RRAGD: variants seen among roughly 807,000 people sequenced by gnomAD.
RRAGD encodes Ras related GTP binding D.
In RRAGD, 12 loss-of-function variants were observed where a neutral mutation model predicts 35.5. That is an observed-to-expected ratio of 0.34 (90% CI 0.22 to 0.55). RRAGD has a LOEUF of 0.55. Ranked by LOEUF, RRAGD falls within the 20% of genes least tolerant of loss-of-function variation. The pLI is 0.91. For missense variants in RRAGD, 324 were observed against 490.1 expected, an observed-to-expected ratio of 0.66 and a Z score of 3.20; for synonymous variants, 155 against 178.9, an observed-to-expected ratio of 0.87 and a Z score of 1.07.
At position 89,411,947 on chromosome 6, in the gene RRAGD, G is replaced by C. The variant is rs866803649; in HGVS notation, c.47C>G (p.Ala16Gly). 1 of 1,538,750 alleles carries C rather than the reference G, an allele frequency of 6.5e-7. No individual in the cohort carries two copies. Among genetic ancestry groups the C allele is most frequent in the Non-Finnish European group, 8.7e-7 (1 of 1,145,982 alleles). Residue 16 changes from alanine (A) to glycine (G), a missense_variant, in exon 1 of 7, where the codon GCG becomes GGG. Ala to Gly is a moderately conservative substitution (Grantham distance 60). Coordinates refer to ENST00000369415, the MANE Select transcript of RRAGD (RefSeq NM_021244.5). The surrounding 1 kb of genome is among the most constrained non-coding windows in gnomAD (Gnocchi z 5.6). ...CTCATCCTCCTCCTCCTCCTCCTCC[G>C]CGTCGTCCTCGTCCTGCGGCTGCGG... ...GKPQPQDEDD[A>G]EEEEEEDELV...
Position 89,367,608 on chromosome 6 carries a change from T to A in RRAGD, c.*448A>T, listed in dbSNP as rs1293633160. 6.5e-6 allele frequency: 1 copy of A among 153,114 alleles called. No individual in the cohort carries two copies. The highest frequency in any genetic ancestry group is 1.5e-5 in the Non-Finnish European group (1 of 68,674). The allele number at this position is 153,114 out of a possible 1,614,324, so 9.5% of individuals were successfully genotyped here. A position where few individuals can be genotyped will look rare whatever the true frequency, so the allele number is the denominator to read the frequency against. ...AGATTTCCAAATTTACAAAAAGTCA[T>A]TACCAATGCATCACTTTTTGATTAA... On this transcript the variant is annotated 3_prime_UTR_variant, in exon 7 of 7. Transcript: ENST00000369415.
chr6:89,380,087 A>C, intron 3 of RRAGD, 81 bp downstream of exon 3: 1 of 1,271,566 alleles, frequency 7.9e-7, no homozygotes. Flanking sequence ...TGCCCATGCC[A>C]AGCCAATCAT....
At chr6:89,375,252 G>A (rs1283875944) in intron 5 of RRAGD, among the ~76,000 whole-genome samples, 1 of 152,040 alleles carries the variant, frequency 6.6e-6, no homozygotes, top group African/African-American at 2.4e-5. Flanking sequence ...AGACTTTTAT[G>A]TATTTTCTGC....
chr6:89,371,819 G>A (rs1009545164), intron 6 of RRAGD, among the ~76,000 whole-genome samples: 2 of 152,130 alleles, frequency 1.3e-5, no homozygotes, highest in African/African-American at 2.4e-5. Flanking sequence ...ATAGAAGGGG[G>A]AAATTAGTTT....
intron 1 of RRAGD, among the ~76,000 whole-genome samples, chr6:89,397,571 T>C (rs1431098537): frequency 1.3e-5 from 2 of 148,278 alleles, no homozygotes; most frequent in African/African-American, 5.1e-5. Context: ...GCCACTGCAC[T>C]CCAGCCTGGG....
intron 2 of RRAGD, among the ~76,000 whole-genome samples, chr6:89,384,447 G>T (rs1050279994): frequency 1.3e-5 from 2 of 152,100 alleles, no homozygotes; most frequent in African/African-American, 4.8e-5. Context: ...GGGCCTAAGT[G>T]GTCCTCCAGC....
chr6:89,400,967 T>TAG (rs766560919), intron 1 of RRAGD, among the ~76,000 whole-genome samples: 1 of 152,148 alleles, frequency 6.6e-6, no homozygotes, highest in Non-Finnish European at 1.5e-5. Flanking sequence ...ACTGGCCAAG[T>TAG]GTGAGGCAGG....
chr6:89,409,377 C>T (rs527967898), intron 1 of RRAGD, among the ~76,000 whole-genome samples: 92 of 152,302 alleles, frequency 6.0e-4, no homozygotes, highest in Non-Finnish European at 1.0e-3. Context: ...CCACTAAGTG[C>T]AGGCACTAAA....
intron 1 of RRAGD, 138 bp from the exon 2 acceptor site, chr6:89,387,728 C>T: frequency 1.2e-6 from 1 of 822,230 alleles, no homozygotes; most frequent in Non-Finnish European, 1.9e-6. Context: ...TACAGTCCCT[C>T]CACTTAAACC....
At chr6:89,380,083 T>C (rs1769015817) in intron 3 of RRAGD, 85 bp downstream of exon 3, 2 of 1,228,486 alleles carry the variant, frequency 1.6e-6, no homozygotes, top group African/African-American at 1.5e-5. Flanking sequence ...TTACTGCCCA[T>C]GCCAAGCCAA....
rs1768725419 is a variant in RRAGD at position 89,365,546 on chromosome 6, A to C, written c.*2510T>G. 6.6e-6 allele frequency: 1 copy of C among 152,268 alleles called. No homozygotes were observed. The highest frequency in any genetic ancestry group is 1.5e-5 in the Non-Finnish European group (1 of 68,050). The allele number at this position is 152,268 out of a possible 1,614,324, so 9.4% of individuals were successfully genotyped here. On this transcript the variant is annotated 3_prime_UTR_variant, in exon 7 of 7. Transcript: ENST00000369415. Reference sequence around the variant, plus strand: ...GATTTGAAAAACTGAACGCTTAGACATAACTCCTGCATCTTTCTTTAATTA... The same window carrying C: ...GATTTGAAAAACTGAACGCTTAGACCTAACTCCTGCATCTTTCTTTAATTA...
intron 6 of RRAGD, among the ~76,000 whole-genome samples, chr6:89,370,204 A>C (rs577917970): frequency 5.4e-4 from 82 of 152,344 alleles, no homozygotes; most frequent in African/African-American, 1.9e-3. Flanking sequence ...TCTATCTTTA[A>C]AATTCCGTGA....
intron 2 of RRAGD, among the ~76,000 whole-genome samples, chr6:89,381,066 T>C (rs1472294856): frequency 6.6e-6 from 1 of 152,182 alleles, no homozygotes; most frequent in Non-Finnish European, 1.5e-5. Context: ...TACAGGCCAC[T>C]GGGCGGGTGG....
intron 1 of RRAGD, among the ~76,000 whole-genome samples, chr6:89,401,124 GA>G (rs1398016581): frequency 6.6e-6 from 1 of 152,190 alleles, no homozygotes; most frequent in Admixed American, 6.5e-5. Flanking sequence ...AGTCTTAAAG[GA>G]GAGGAGGCAT....
At chr6:89,402,065 G>C (rs1449757180) in intron 1 of RRAGD, among the ~76,000 whole-genome samples, 1 of 26,808 alleles carries the variant, frequency 3.7e-5, no homozygotes, top group African/African-American at 7.3e-4. Flanking sequence ...TTTTTTGGTG[G>C]GGGATGGAGT....
intron 2 of RRAGD, among the ~76,000 whole-genome samples, chr6:89,382,649 G>A (rs1769065935): frequency 6.6e-6 from 1 of 151,928 alleles, no homozygotes; most frequent in African/African-American, 2.4e-5. Context: ...GCCAAGGCGG[G>A]CAGATCACGA....
chr6:89,376,874 T>G (rs1026007669), intron 5 of RRAGD, among the ~76,000 whole-genome samples: 1 of 152,168 alleles, frequency 6.6e-6, no homozygotes, highest in Admixed American at 6.5e-5. Flanking sequence ...TACACTACAG[T>G]TGACCTTAAA....
At chr6:89,381,292 T>G (rs2127888171) in intron 2 of RRAGD, among the ~76,000 whole-genome samples, 1 of 152,344 alleles carries the variant, frequency 6.6e-6, no homozygotes, top group East Asian at 1.9e-4. Context: ...TCTACAAAGC[T>G]TAAGATGTTT....
intron 1 of RRAGD, among the ~76,000 whole-genome samples, chr6:89,409,873 C>T (rs918835202): frequency 1.3e-5 from 2 of 152,228 alleles, no homozygotes; most frequent in Non-Finnish European, 2.9e-5. Flanking sequence ...AGAGACCAGG[C>T]TTAAGCAACG....
Sources: allele counts gnomAD v4.1 joint callset (sites outside exome capture counted in the v4.1 genomes callset), GRCh38; gene constraint gnomAD v4.1.1; non-coding constraint Gnocchi (gnomAD v3.1); transcripts MANE v1.5; gene names NCBI Gene and HGNC (gene_info 2026-07-23, HGNC 2026-07-21).